CCDC81: variants seen among roughly 807,000 people sequenced by gnomAD.
CCDC81 encodes coiled-coil domain containing 81.
CCDC81 carries 79 observed loss-of-function variants against 83.7 expected under a neutral mutation model. The ratio of observed to expected loss-of-function variants is 0.94; its 90% CI spans 0.79 to 1.14. The LOEUF (loss-of-function observed/expected upper bound fraction) is 1.14, where lower values mean the gene tolerates loss of function less well. Among genes scored for constraint, CCDC81 ranks in the 50% most tolerant of loss-of-function variants. The probability of loss-of-function intolerance (pLI) is 0.00; values close to 1 mark genes in which losing one functional copy is unlikely to be tolerated. For missense variants in CCDC81, 791 were observed against 778.1 expected (o/e 1.02, Z -0.20); for synonymous variants, 252 against 278.1 (o/e 0.91, Z 0.93).
At position 86,386,077 on chromosome 11, in the gene CCDC81, T is replaced by C; in HGVS notation, c.106T>C (p.Ser36Pro). Residue 36 changes from serine (S) to proline (P), a missense_variant, in exon 2 of 15, where the codon TCA (serine) becomes CCA (proline). Ser to Pro is a moderately conservative substitution (Grantham distance 74). Transcript: ENST00000445632. ...EEVSIIWGNV[S>P]EFVRRQLTLH... ...AGTCTCTATTATCTGGGGGAATGTA[T>C]CAGAATTTGTGAGACGGCAGTTAAC... 6.6e-7 allele frequency: 1 copy of C among 1,522,628 alleles called. No individual in the cohort carries two copies. The highest frequency in any genetic ancestry group is 8.9e-7 in the Non-Finnish European group (1 of 1,122,802). The allele number at this position is 1,522,628 out of a possible 1,614,324, so 94.3% of individuals were successfully genotyped here. A position where few individuals can be genotyped will look rare whatever the true frequency, so the allele number is the denominator to read the frequency against.
At chr11:86,403,392 G>A (rs1262438498) in intron 7 of CCDC81, among the ~76,000 whole-genome samples, 3 of 151,898 alleles carry the variant, frequency 2.0e-5, no homozygotes, top group Non-Finnish European at 4.4e-5. Flanking sequence ...GTGCACAGAA[G>A]TTTAAAATAT....
chr11:86,418,457 T>C (rs540503432), intron 13 of CCDC81, among the ~76,000 whole-genome samples: 4 of 152,346 alleles, frequency 2.6e-5, no homozygotes, highest in African/African-American at 9.6e-5. Context: ...GCATCCCAGG[T>C]GTCCACCGAC....
At chr11:86,375,288 C>T (rs955863200) in intron 1 of CCDC81, 46 bp downstream of exon 1, 3 of 1,525,092 alleles carry the variant, frequency 2.0e-6, no homozygotes, top group Non-Finnish European at 2.7e-6. Flanking sequence ...ATTGAATCTT[C>T]ATCTGCTTGC....
At chr11:86,398,954 TTGTTGC>T (rs1948446194) in intron 6 of CCDC81, among the ~76,000 whole-genome samples, 1 of 152,172 alleles carries the variant, frequency 6.6e-6, no homozygotes, top group African/African-American at 2.4e-5. Context: ...CTCTAGCAGA[TTGTTGC>T]TTTGCGGAAA....
At chr11:86,379,415 A>C (rs1948145846) in intron 1 of CCDC81, among the ~76,000 whole-genome samples, 1 of 152,098 alleles carries the variant, frequency 6.6e-6, no homozygotes, top group African/African-American at 2.4e-5. Flanking sequence ...TTTTAAAAAA[A>C]ATTTTAGTAG....
At chr11:86,415,701 T>C (rs1276210210) in intron 13 of CCDC81, among the ~76,000 whole-genome samples, 1 of 152,086 alleles carries the variant, frequency 6.6e-6, no homozygotes, top group Non-Finnish European at 1.5e-5. Context: ...TGAGACAGGG[T>C]TTTGCTCTGT....
intron 1 of CCDC81, among the ~76,000 whole-genome samples, 185 bp from the exon 2 acceptor site, chr11:86,385,866 A>T (rs1283796551): frequency 6.6e-6 from 1 of 152,128 alleles, no homozygotes. Context: ...TAAGGGAGTA[A>T]GCCTTAGTTA....
chr11:86,404,211 T>G (rs909648240), intron 7 of CCDC81, among the ~76,000 whole-genome samples: 2 of 152,206 alleles, frequency 1.3e-5, no homozygotes, highest in African/African-American at 2.4e-5. Context: ...CACCCCAGAT[T>G]TTGAGGCCTA....
At position 86,397,703 on chromosome 11, in the gene CCDC81, A is replaced by G. The variant is rs752616756; in HGVS notation, c.718A>G (p.Lys240Glu). 3 of 1,613,910 alleles carry G rather than the reference A, an allele frequency of 1.9e-6. No homozygotes were observed. The South Asian group carries it at 3.3e-5, about 18-fold the overall frequency. The stretch of plus-strand genomic sequence containing the variant: ...TGGAGAGAATAGAGAAAGGAAGTGC[A>G]AGTTAAAAGACCAGTCAGACAAAGA... ...ECGENRERKC[K>E]LKDQSDKEEG... Residue 240 changes from lysine (K) to glutamate (E), a missense_variant, in exon 6 of 15, where the codon AAG becomes GAG. Coordinates refer to ENST00000445632, the MANE Select transcript of CCDC81 (RefSeq NM_001156474.2).
At chr11:86,390,719 T>C (rs971864238) in intron 3 of CCDC81, among the ~76,000 whole-genome samples, 8 of 152,128 alleles carry the variant, frequency 5.3e-5, no homozygotes, top group African/African-American at 1.9e-4. Flanking sequence ...GGAAGGCGTT[T>C]AGTATGACTC....
chr11:86,399,338 T>C (rs1212476127), intron 6 of CCDC81, among the ~76,000 whole-genome samples: 1 of 152,178 alleles, frequency 6.6e-6, no homozygotes, highest in Non-Finnish European at 1.5e-5. Context: ...TTCTTTTTCT[T>C]TGAGGTGGGG....
chr11:86,392,797 T>G lies in CCDC81; in HGVS notation c.555T>G (p.Asn185Lys). The change falls in exon 4 of 15, where the codon AAT (asparagine) becomes AAG (lysine). Residue 185 changes from asparagine (N) to lysine (K), a missense_variant and splice_region_variant. Coordinates refer to ENST00000445632, the MANE Select transcript of CCDC81 (RefSeq NM_001156474.2). ...GGGCTTTGGCAAAGGCCCTAGCAAA[T>G]GTAAATTAATATTTTCCTTCTCCTA... is the stretch of plus-strand genomic sequence containing the variant. The part of the protein sequence containing the change: ...GSGALAKALA[N>K]RPGTVDSVLS... The G allele has an allele frequency of 1.9e-6, 3 of 1,547,176 alleles. No homozygotes were observed. The highest frequency in any genetic ancestry group is 1.7e-4 in the Middle Eastern group (1 of 5,954).
intron 11 of CCDC81, among the ~76,000 whole-genome samples, chr11:86,413,137 G>A (rs914354014): frequency 6.6e-6 from 1 of 152,074 alleles, no homozygotes; most frequent in Non-Finnish European, 1.5e-5. Context: ...TGTGCGGCCC[G>A]GGTTCCCCTC....
rs572982 is a variant in CCDC81 at position 86,400,728 on chromosome 11, A to G, written c.808A>G (p.Lys270Glu). The change falls in exon 7 of 15, where the codon AAA (lysine) becomes GAA (glutamate). Residue 270 changes from lysine (K) to glutamate (E), a missense_variant. Coordinates refer to ENST00000445632, the MANE Select transcript of CCDC81 (RefSeq NM_001156474.2). Reference sequence around the variant, plus strand: ...AGATAGACAAGCTTTGTTCCCTGCCAAAGTGACAAATGTCAGCTTGCTGGA... The same window carrying G: ...AGATAGACAAGCTTTGTTCCCTGCCGAAGTGACAAATGTCAGCTTGCTGGA... ...LRDRQALFPA[K>E]VTNVSLLEKF... 6.2e-7 allele frequency: 1 copy of G among 1,613,040 alleles called. No homozygotes were observed. The highest frequency in any genetic ancestry group is 8.5e-7 in the Non-Finnish European group (1 of 1,179,234).
At chr11:86,413,492 G>A (rs968724923) in intron 11 of CCDC81, among the ~76,000 whole-genome samples, 23 of 151,568 alleles carry the variant, frequency 1.5e-4, no homozygotes, top group Admixed American at 5.2e-4. Flanking sequence ...CTTCCATATC[G>A]TTTAAAGGGA....
chr11:86,382,059 G>A (rs533458634), intron 1 of CCDC81, among the ~76,000 whole-genome samples: 1 of 152,248 alleles, frequency 6.6e-6, no homozygotes, highest in African/African-American at 2.4e-5. Context: ...TCTAAAGTAG[G>A]CTAGAGAGAA....
At chr11:86,418,684 C>T (rs1340772123) in intron 13 of CCDC81, among the ~76,000 whole-genome samples, 1 of 152,096 alleles carries the variant, frequency 6.6e-6, no homozygotes, top group Non-Finnish European at 1.5e-5. Flanking sequence ...TTCATAGAAA[C>T]AGAAAGTAGA....
Position 86,375,152 on chromosome 11 carries a change from T to C in CCDC81, c.-12T>C, listed in dbSNP as rs1432963224. On this transcript the variant is annotated 5_prime_UTR_variant, in exon 1 of 15. Transcript: ENST00000445632. ...ATCGAACATTCAGTACGGAGTCACC[T>C]GGAAATTGGAGATGTTGGATACGAT... 6.2e-7 allele frequency: 1 copy of C among 1,612,328 alleles called. No homozygotes were observed. Among genetic ancestry groups the C allele is most frequent in the African/African-American group, 1.3e-5 (1 of 74,842 alleles).
intron 6 of CCDC81, among the ~76,000 whole-genome samples, chr11:86,398,362 G>C (rs1292860113): frequency 6.6e-6 from 1 of 152,140 alleles, no homozygotes; most frequent in African/African-American, 2.4e-5. Flanking sequence ...GTGGGTTGGA[G>C]ACATGTTAGC....
Sources: gnomAD v4.1 joint callset for allele counts (sites outside exome capture counted in the v4.1 genomes callset) on GRCh38, gnomAD v4.1.1 for gene constraint, MANE v1.5 for transcripts, NCBI Gene and HGNC (gene_info 2026-07-23, HGNC 2026-07-21) for gene names.